Variants in DBH observed in about 807,000 individuals in gnomAD.
DBH encodes the protein dopamine beta-hydroxylase.
In DBH, 49 loss-of-function variants were observed where a neutral mutation model predicts 64.0. The ratio of observed to expected loss-of-function variants is 0.77; its 90% CI spans 0.61 to 0.97. The LOEUF (loss-of-function observed/expected upper bound fraction) is 0.97, where lower values mean the gene tolerates loss of function less well. Among genes scored for constraint, DBH ranks in the 50% least tolerant of loss-of-function variants. The pLI is 0.00. For missense variants in DBH, 828 were observed against 826.6 expected (o/e 1.00, Z -0.02); for synonymous variants, 343 against 347.1 (o/e 0.99, Z 0.13).
intron 5 of DBH, 67 bp downstream of exon 5, chr9:133,644,387 A>C (rs1832157275): frequency 3.0e-6 from 4 of 1,348,834 alleles, no homozygotes; most frequent in Admixed American, 1.7e-5. Context: ...CAGTGAGCAA[A>C]TCCCGCCCTT....
At chr9:133,655,230 T>A (rs372548241) in intron 9 of DBH, 2 of 152,268 alleles carry the variant, frequency 1.3e-5, no homozygotes, top group South Asian at 4.1e-4. Flanking sequence ...CAGGTGGACC[T>A]GAGCTTCTCA....
At position 133,648,076 on chromosome 9, in the gene DBH, C is replaced by T. The variant is rs1240471197; in HGVS notation, c.1191+64C>T. The T allele has an allele frequency of 3.2e-6, 5 of 1,540,936 alleles. No homozygotes were observed. The African/African-American group carries it at 4.1e-5, about 13-fold the overall frequency. ...CCCGCGTCCCTCAGTGGAGGCCTGGCAGGTCGTGGCCCACGAAGGGTGGCA... is the reference window on the plus strand; with the variant it reads ...CCCGCGTCCCTCAGTGGAGGCCTGGTAGGTCGTGGCCCACGAAGGGTGGCA... On this transcript the variant is annotated intron_variant, in intron 6 of 11. Coordinates refer to ENST00000393056, the MANE Select transcript of DBH (RefSeq NM_000787.4).
At chr9:133,649,067 A>T (rs988035952) in intron 6 of DBH, among the ~76,000 whole-genome samples, 1 of 152,040 alleles carries the variant, frequency 6.6e-6, no homozygotes, top group African/African-American at 2.4e-5. Flanking sequence ...TAATATTGTA[A>T]ATATTTTCTG....
At chr9:133,649,770 C>T (rs868286415) in intron 6 of DBH, among the ~76,000 whole-genome samples, 10 of 152,312 alleles carry the variant, frequency 6.6e-5, no homozygotes, top group Middle Eastern at 3.4e-3. Flanking sequence ...GAGCGGCTTC[C>T]GGCCAGGCAG....
At chr9:133,657,624 G>T (rs1588355783) in intron 11 of DBH, among the ~76,000 whole-genome samples, 1 of 152,200 alleles carries the variant, frequency 6.6e-6, no homozygotes, top group African/African-American at 2.4e-5. Context: ...TGTGAGCAGG[G>T]CGCACTAACC....
intron 8 of DBH, 110 bp downstream of exon 8, chr9:133,652,394 G>A (rs891484257): frequency 7.3e-7 from 1 of 1,364,908 alleles, no homozygotes; most frequent in African/African-American, 1.4e-5. Context: ...TAGGGGGAGG[G>A]AGAGCCATCC....
chr9:133,655,978 G>A (rs185573115), intron 9 of DBH: 205 of 160,914 alleles, frequency 1.3e-3, no homozygotes, highest in African/African-American at 4.7e-3. Context: ...GGAGGTTGTC[G>A]CGGCCTCTAG....
At chr9:133,641,766 C>G (rs1832118705) in intron 2 of DBH, among the ~76,000 whole-genome samples, 1 of 152,190 alleles carries the variant, frequency 6.6e-6, no homozygotes, top group Non-Finnish European at 1.5e-5. Flanking sequence ...CTCAGCGTGA[C>G]CATCAGCAAG....
At chr9:133,648,144 C>A in intron 6 of DBH, 132 bp downstream of exon 6, 1 of 1,082,554 alleles carries the variant, frequency 9.2e-7, no homozygotes, top group Non-Finnish European at 1.4e-6. Flanking sequence ...CCCCTGCGGT[C>A]CTCCCTCTTT....
intron 9 of DBH, among the ~76,000 whole-genome samples, chr9:133,653,791 C>T (rs1016463143): frequency 4.6e-5 from 7 of 152,210 alleles, no homozygotes; most frequent in East Asian, 1.9e-4. Context: ...TGATGCATCA[C>T]GCAGCGGGGC....
chr9:133,636,606 CG>C lies in DBH; in HGVS notation c.237del (p.Arg80GlyfsTer64), dbSNP rs1425136159. The C allele has an allele frequency of 6.2e-7, 1 of 1,613,658 alleles. No homozygotes were observed. The highest frequency in any genetic ancestry group is 1.7e-5 in the Admixed American group (1 of 60,030). Reference sequence around the variant, plus strand: ...GGCCATCCATTTCCAGCTCCTGGTGCGGAGGCTCAAGGCTGGCGTCCTGTTT... The same window carrying C: ...GGCCATCCATTTCCAGCTCCTGGTGCGAGGCTCAAGGCTGGCGTCCTGTTT... ...QEAIHFQLLV[R>X]RLKAGVLFGM... On this transcript the variant is annotated frameshift_variant, in exon 1 of 12. Coordinates refer to ENST00000393056, the MANE Select transcript of DBH (RefSeq NM_000787.4). LOFTEE classifies it high-confidence loss of function.
In DBH at chr9:133,639,828, C is replaced by A. The variant is rs780623251; in HGVS notation, c.340-18C>A. On this transcript the variant is annotated intron_variant, in intron 1 of 11. Coordinates refer to ENST00000393056, the MANE Select transcript of DBH (RefSeq NM_000787.4). ...GCTTGGCTCCTTCATGCCTGGAGCCCAGTGCTTGTCTCTGCAGGACGCCTG... is the reference window on the plus strand; with the variant it reads ...GCTTGGCTCCTTCATGCCTGGAGCCAAGTGCTTGTCTCTGCAGGACGCCTG... The A allele has an allele frequency of 3.1e-6, 5 of 1,606,020 alleles. No homozygotes were observed. Among genetic ancestry groups the A allele is most frequent in the Middle Eastern group, 1.9e-4 (1 of 5,334 alleles).
chr9:133,639,976 A>C lies in DBH; in HGVS notation c.470A>C (p.Lys157Thr), dbSNP rs760684018. The C allele has an allele frequency of 4.3e-6, 7 of 1,613,966 alleles. No individual in the cohort carries two copies. In the Admixed American group the frequency reaches 1.2e-4, roughly 27 times the overall value. ...FKRPFGTCDP[K>T]DYLIEDGTVH... The stretch of plus-strand genomic sequence containing the variant: ...AGGCCCTTTGGCACCTGCGACCCCA[A>C]GGATTACCTCATTGAAGTAAGGGGT... The change falls in exon 2 of 12, where the codon AAG (lysine) becomes ACG (threonine). Residue 157 changes from lysine (K) to threonine (T), a missense_variant. Physicochemically the swap from Lys to Thr is moderately conservative, Grantham distance 78. Coordinates refer to ENST00000393056, the MANE Select transcript of DBH (RefSeq NM_000787.4).
intron 9 of DBH, among the ~76,000 whole-genome samples, chr9:133,653,277 C>T (rs1832273680): frequency 6.6e-6 from 1 of 152,078 alleles, no homozygotes; most frequent in Non-Finnish European, 1.5e-5. Context: ...GATGTTGACC[C>T]CTGCTCAAGG....
At chr9:133,657,806 G>A (rs2073837) in intron 11 of DBH, among the ~76,000 whole-genome samples, 47,338 of 152,092 alleles carry the variant, frequency 0.31, 7,644 homozygotes, top group East Asian at 0.46. Context: ...AGTTAGTCGC[G>A]TAAGGTGCCG....
At chr9:133,658,276 C>T (rs1454534447) in intron 11 of DBH, 40 bp from the exon 12 acceptor site, 4 of 1,611,880 alleles carry the variant, frequency 2.5e-6, no homozygotes, top group East Asian at 2.2e-5. Context: ...CCCATCTTGC[C>T]CCTCCAGCCT....
At chr9:133,642,913 T>C (rs1354440071) in intron 3 of DBH, among the ~76,000 whole-genome samples, 3 of 152,110 alleles carry the variant, frequency 2.0e-5, no homozygotes, top group East Asian at 1.9e-4. Context: ...GATCCCTCCT[T>C]CATCATAAGA....
rs1832361627 is a variant in DBH, at chr9:133,658,300, GC to G, written c.1723-11del. On this transcript the variant is annotated splice_polypyrimidine_tract_variant and intron_variant, in intron 11 of 11. Transcript: ENST00000393056. ...CCCCTCCAGCCTCAGTTTACCTCCT[GC>G]CCCCTTCCTTGCAGGGTGAATGGAA... 6.2e-7 allele frequency: 1 copy of G among 1,613,678 alleles called. No homozygotes were observed. Among genetic ancestry groups the G allele is most frequent in the Non-Finnish European group, 8.5e-7 (1 of 1,179,752 alleles).
intron 2 of DBH, 122 bp from the exon 3 acceptor site, chr9:133,642,085 C>A: frequency 7.2e-7 from 1 of 1,381,584 alleles, no homozygotes; most frequent in Non-Finnish European, 1.0e-6. Flanking sequence ...CCCTTATTCA[C>A]AGAGATGAGA....
Sources: allele counts gnomAD v4.1 joint callset (sites outside exome capture counted in the v4.1 genomes callset), GRCh38; gene constraint gnomAD v4.1.1; transcripts MANE v1.5; gene names NCBI Gene and HGNC (gene_info 2026-07-23, HGNC 2026-07-21).